PICALM: variants seen among roughly 807,000 people sequenced by gnomAD.
PICALM encodes phosphatidylinositol binding clathrin assembly protein, also known as phosphatidylinositol-binding clathrin assembly protein.
Under a neutral mutation model 80.5 loss-of-function variants are expected in PICALM, and 40 were observed. The ratio of observed to expected loss-of-function variants is 0.50; its 90% CI spans 0.39 to 0.65. The LOEUF (loss-of-function observed/expected upper bound fraction) is 0.65, where lower values mean the gene tolerates loss of function less well. PICALM is among the 30% of genes least tolerant of loss of function. The pLI, the probability that PICALM is intolerant of heterozygous loss-of-function variation, is 0.00. For missense variants in PICALM, 676 were observed against 778.9 expected (o/e 0.87, Z 1.57); for synonymous variants, 288 against 260.3 (o/e 1.11, Z -1.02).
intron 19 of PICALM, among the ~76,000 whole-genome samples, chr11:85,970,982 G>A (rs1020117369): frequency 6.6e-6 from 1 of 152,198 alleles, no homozygotes. Context: ...GGTGAAAGCT[G>A]TAGAATGCAA....
At chr11:86,036,417 A>C (rs536545748) in intron 1 of PICALM, among the ~76,000 whole-genome samples, 1 of 152,330 alleles carries the variant, frequency 6.6e-6, no homozygotes, top group African/African-American at 2.4e-5. Context: ...ATTTTTATAT[A>C]ACTTCCAGTA....
chr11:86,042,660 CAAAA>C (rs10648704), intron 1 of PICALM, among the ~76,000 whole-genome samples: 10 of 142,732 alleles, frequency 7.0e-5, no homozygotes, highest in Non-Finnish European at 3.0e-5. Flanking sequence ...TCAGGACTCT[CAAAA>C]AAAAAAAAAA....
chr11:86,009,807 G>C (rs1471547828), intron 7 of PICALM, among the ~76,000 whole-genome samples: 1 of 152,144 alleles, frequency 6.6e-6, no homozygotes, highest in Non-Finnish European at 1.5e-5. Flanking sequence ...GAATTTACTA[G>C]AATCACAGCA....
intron 1 of PICALM, among the ~76,000 whole-genome samples, chr11:86,045,984 T>A (rs2096065847): frequency 6.6e-6 from 1 of 152,210 alleles, no homozygotes; most frequent in Non-Finnish European, 1.5e-5. Context: ...AGTTTTTACT[T>A]TCATTGCTAC....
At chr11:86,013,688 T>C (rs1362244969) in intron 5 of PICALM, among the ~76,000 whole-genome samples, 2 of 152,144 alleles carry the variant, frequency 1.3e-5, no homozygotes, top group Non-Finnish European at 1.5e-5. Context: ...AAGAAAAATA[T>C]GCATGGTTGG....
At position 86,001,062 on chromosome 11, in the gene PICALM, T is replaced by C. The variant is rs752555776; in HGVS notation, c.990A>G (p.Glu330=). 6.8e-6 allele frequency: 11 copies of C among 1,614,138 alleles called. No homozygotes were observed. The highest frequency in any genetic ancestry group is 1.7e-5 in the Admixed American group (1 of 60,026). The part of the protein sequence containing the change: ...DEREKQAALE[E]EQARLKALKE... ...TTAAAGCTTTCAAACGTGCCTGTTCTTCCTCTAATGCTGCCTGCTTTTCCC... is the reference window on the plus strand; with the variant it reads ...TTAAAGCTTTCAAACGTGCCTGTTCCTCCTCTAATGCTGCCTGCTTTTCCC... Residue 330 remains glutamate (E), a synonymous_variant, in exon 10 of 20, where the codon GAA becomes GAG. Transcript: ENST00000393346.
intron 1 of PICALM, among the ~76,000 whole-genome samples, chr11:86,060,534 G>T (rs1035816904): frequency 5.3e-5 from 8 of 151,978 alleles, no homozygotes; most frequent in Admixed American, 2.6e-4. Flanking sequence ...GTTCTTGAAA[G>T]AATAAAAATA....
intron 4 of PICALM, among the ~76,000 whole-genome samples, chr11:86,016,241 A>C (rs1332246108): frequency 6.6e-6 from 1 of 152,224 alleles, no homozygotes; most frequent in Admixed American, 6.5e-5. Flanking sequence ...CAACACCTTG[A>C]TGTCAAAATC....
chr11:86,011,616 CTTTA>C (rs1284793045), intron 6 of PICALM, among the ~76,000 whole-genome samples: 1 of 152,046 alleles, frequency 6.6e-6, no homozygotes, highest in African/African-American at 2.4e-5. Flanking sequence ...ATAGAAAAAC[CTTTA>C]TTTTTCACTT....
intron 4 of PICALM, among the ~76,000 whole-genome samples, chr11:86,021,259 A>C (rs1267198133): frequency 1.3e-5 from 2 of 152,100 alleles, no homozygotes; most frequent in African/African-American, 4.8e-5. Flanking sequence ...GCTGAGGGGG[A>C]AAAATTGCTT....
intron 7 of PICALM, among the ~76,000 whole-genome samples, chr11:86,010,152 C>T (rs1211470435): frequency 2.6e-5 from 4 of 152,076 alleles, no homozygotes; most frequent in Non-Finnish European, 4.4e-5. Context: ...CCCTTAAGAA[C>T]GCCTCTGTGG....
At chr11:86,004,183 T>C (rs928657393) in intron 8 of PICALM, among the ~76,000 whole-genome samples, 2 of 152,116 alleles carry the variant, frequency 1.3e-5, no homozygotes, top group African/African-American at 4.8e-5. Context: ...AATCCAAAAC[T>C]CCATCATTTG....
intron 1 of PICALM, among the ~76,000 whole-genome samples, chr11:86,062,505 C>T (rs1219102748): frequency 1.3e-5 from 2 of 149,730 alleles, no homozygotes; most frequent in Non-Finnish European, 3.0e-5. Flanking sequence ...GCAACAAGAG[C>T]GAAACTCCGT....
intron 8 of PICALM, among the ~76,000 whole-genome samples, chr11:86,005,002 C>T (rs1423362745): frequency 2.6e-5 from 4 of 152,202 alleles, no homozygotes; most frequent in African/African-American, 9.7e-5. Context: ...TAGTGGTTAA[C>T]ATTTAAAAAG....
chr11:85,967,241 A>G (rs190289576), intron 19 of PICALM, among the ~76,000 whole-genome samples: 14 of 152,338 alleles, frequency 9.2e-5, no homozygotes, highest in East Asian at 3.9e-4. Flanking sequence ...GAGACAATAC[A>G]TTCCCATTCT....
At chr11:86,066,289 T>C (rs1321645713) in intron 1 of PICALM, among the ~76,000 whole-genome samples, 1 of 152,194 alleles carries the variant, frequency 6.6e-6, no homozygotes, top group Non-Finnish European at 1.5e-5. Context: ...GACATTTTAA[T>C]CAACAATGTA....
intron 19 of PICALM, among the ~76,000 whole-genome samples, chr11:85,959,855 C>G (rs1172164010): frequency 6.6e-6 from 1 of 151,980 alleles, no homozygotes; most frequent in African/African-American, 2.4e-5. Flanking sequence ...GCTGGGATTA[C>G]AGGCATAAGC....
At chr11:86,006,773 T>C (rs1018672256) in intron 8 of PICALM, among the ~76,000 whole-genome samples, 3 of 152,230 alleles carry the variant, frequency 2.0e-5, no homozygotes, top group Non-Finnish European at 4.4e-5. Context: ...TCATTCTTAA[T>C]ACTCCGTAAA....
At chr11:86,057,770 AT>A (rs2096292265) in intron 1 of PICALM, among the ~76,000 whole-genome samples, 1 of 152,130 alleles carries the variant, frequency 6.6e-6, no homozygotes, top group Non-Finnish European at 1.5e-5. Context: ...TAGCACTTAT[AT>A]TGTATTAGGC....
Sources: gnomAD v4.1 joint callset for allele counts (sites outside exome capture counted in the v4.1 genomes callset) on GRCh38, gnomAD v4.1.1 for gene constraint, MANE v1.5 for transcripts, NCBI Gene and HGNC (gene_info 2026-07-23, HGNC 2026-07-21) for gene names.